RYR1: variants seen among roughly 807,000 people sequenced by gnomAD.
RYR1 encodes the protein ryanodine receptor 1.
RYR1 carries 342 observed loss-of-function variants against 583.5 expected under a neutral mutation model. The observed-to-expected ratio is 0.59, with a 90% CI of 0.54 to 0.64. The LOEUF is 0.64. Ranked by LOEUF, RYR1 falls within the 30% of genes least tolerant of loss-of-function variation. RYR1 has a pLI of 0.00. For missense variants in RYR1, 6,032 were observed against 6,917.2 expected (o/e 0.87, Z 4.54); for synonymous variants, 2,791 against 2,822.5 (o/e 0.99, Z 0.35).
At chr19:38,504,638 G>A in intron 50 of RYR1, 110 bp from the exon 51 acceptor site, 1 of 1,443,404 alleles carries the variant, frequency 6.9e-7, no homozygotes, top group Non-Finnish European at 9.6e-7. Flanking sequence ...CATAATTCAG[G>A]TTTGGGGTTC....
In RYR1 at chr19:38,528,681, A is replaced by G. The variant is rs1184741729; in HGVS notation, c.11020A>G (p.Ile3674Val). ...AGACCACAGTTTTGAGGACCGCATGATAGATGACCTTTCAGTGAGCTGGGA... is the reference window on the plus strand; with the variant it reads ...AGACCACAGTTTTGAGGACCGCATGGTAGATGACCTTTCAGTGAGCTGGGA... Reference protein sequence around the residue: ...TEDHSFEDRMIDDLSKAGEQE... With the variant: ...TEDHSFEDRMVDDLSKAGEQE... Residue 3674 changes from isoleucine (I) to valine (V), a missense_variant, in exon 75 of 106, where the codon ATA becomes GTA. Coordinates refer to ENST00000359596, the MANE Select transcript of RYR1 (RefSeq NM_000540.3). The G allele has an allele frequency of 4.3e-6, 7 of 1,614,114 alleles. No individual in the cohort carries two copies. The highest frequency in any genetic ancestry group is 4.2e-6 in the Non-Finnish European group (5 of 1,180,004).
rs199691436 is a variant in RYR1 at position 38,467,817 on chromosome 19, G to A, written c.3381+5G>A. 6 of 1,613,532 alleles carry A rather than the reference G, an allele frequency of 3.7e-6. No individual in the cohort carries two copies. Among genetic ancestry groups the A allele is most frequent in the South Asian group, 1.1e-5 (1 of 91,056 alleles). On this transcript the variant is annotated splice_donor_5th_base_variant and intron_variant, in intron 25 of 105. Transcript: ENST00000359596. ...TATGTCTTCAATGGGCACCGCGTGGGTACCTCCCTGGGCACCATTCTGCCA... is the reference window on the plus strand; with the variant it reads ...TATGTCTTCAATGGGCACCGCGTGGATACCTCCCTGGGCACCATTCTGCCA...
chr19:38,486,009 C>T lies in RYR1; in HGVS notation c.5354C>T (p.Ala1785Val). The part of the protein sequence containing the change: ...HHFSPPCFVA[A>V]LPAAGAAEAP... Reference sequence around the variant, plus strand: ...TTCTCGCCCCCCTGTTTCGTGGCCGCTCTGCCAGCTGCTGGGGCAGCAGAG... The same window carrying T: ...TTCTCGCCCCCCTGTTTCGTGGCCGTTCTGCCAGCTGCTGGGGCAGCAGAG... The change falls in exon 34 of 106, where the codon GCT becomes GTT. Residue 1785 changes from alanine (A) to valine (V), a missense_variant. Transcript: ENST00000359596. 2 of 1,613,532 alleles carry T rather than the reference C, an allele frequency of 1.2e-6. No individual in the cohort carries two copies. The highest frequency in any genetic ancestry group is 8.5e-7 in the Non-Finnish European group (1 of 1,179,914).
intron 90 of RYR1, among the ~76,000 whole-genome samples, chr19:38,562,790 G>A (rs1448394988): frequency 6.6e-6 from 1 of 152,194 alleles, no homozygotes; most frequent in East Asian, 1.9e-4. Context: ...TGCACACTGA[G>A]CCTCTCGTGG....
At chr19:38,569,980 A>G (rs912325372) in intron 93 of RYR1, among the ~76,000 whole-genome samples, 1 of 152,180 alleles carries the variant, frequency 6.6e-6, no homozygotes, top group Admixed American at 6.6e-5. Flanking sequence ...CCTGACCAAC[A>G]TGGTGAGACC....
At chr19:38,495,157 T>A (rs890651568) in intron 39 of RYR1, among the ~76,000 whole-genome samples, 1 of 151,982 alleles carries the variant, frequency 6.6e-6, no homozygotes, top group African/African-American at 2.4e-5. Context: ...CAGCTGAGGT[T>A]TACCCTTTTT....
chr19:38,442,599 A>G lies in RYR1; in HGVS notation c.270+146A>G. 6.1e-6 allele frequency: 4 copies of G among 652,292 alleles called. No homozygotes were observed. In the South Asian group the frequency reaches 6.8e-5, roughly 11 times the overall value. 40.4% of individuals were successfully genotyped at this position (652,292 alleles called of 1,614,324 possible). Reference sequence around the variant, plus strand: ...TCTTCCTCTCTCTGCCCTGCCCCCCACAGGCCCTCAATTTGGATAAGTGGG... The same window carrying G: ...TCTTCCTCTCTCTGCCCTGCCCCCCGCAGGCCCTCAATTTGGATAAGTGGG... On this transcript the variant is annotated intron_variant, in intron 3 of 105. Transcript: ENST00000359596.
At chr19:38,513,135 C>T (rs1044501558) in intron 63 of RYR1, among the ~76,000 whole-genome samples, 3 of 151,894 alleles carry the variant, frequency 2.0e-5, no homozygotes, top group African/African-American at 7.3e-5. Flanking sequence ...CTCAGGAGTT[C>T]AAGACCAGCC....
chr19:38,551,279 T>G (rs1005970365), intron 89 of RYR1, among the ~76,000 whole-genome samples: 13 of 151,692 alleles, frequency 8.6e-5, no homozygotes, highest in African/African-American at 3.1e-4. Context: ...ACTCCCGACC[T>G]CAAGTGATGG....
At chr19:38,564,737 A>C (rs1017080824) in intron 90 of RYR1, among the ~76,000 whole-genome samples, 2 of 152,088 alleles carry the variant, frequency 1.3e-5, no homozygotes, top group Admixed American at 1.3e-4. Flanking sequence ...GCTGGTCTCG[A>C]ACTCCTGACC....
At chr19:38,545,918 G>A (rs1405682905) in intron 87 of RYR1, among the ~76,000 whole-genome samples, 1 of 152,124 alleles carries the variant, frequency 6.6e-6, no homozygotes, top group Non-Finnish European at 1.5e-5. Flanking sequence ...ACTTTGTATT[G>A]GAGGTTTCTA....
At chr19:38,487,514 C>T (rs559822606) in intron 34 of RYR1, among the ~76,000 whole-genome samples, 25 of 152,114 alleles carry the variant, frequency 1.6e-4, no homozygotes, top group Admixed American at 1.4e-3. Context: ...CCACCATGCC[C>T]GGCTAATTTT....
At chr19:38,514,765 G>A (rs1249196604) in intron 63 of RYR1, among the ~76,000 whole-genome samples, 1 of 152,056 alleles carries the variant, frequency 6.6e-6, no homozygotes, top group African/African-American at 2.4e-5. Context: ...CGTTCTAGTG[G>A]CTTTCCAAGT....
intron 70 of RYR1, among the ~76,000 whole-genome samples, chr19:38,524,186 CAA>C (rs56388141): frequency 7.1e-5 from 6 of 84,116 alleles, no homozygotes; most frequent in Non-Finnish European, 1.5e-4. Context: ...CTTTTGTTCC[CAA>C]AAAAAAAAAA....
chr19:38,511,423 A>G, intron 60 of RYR1, 138 bp from the exon 61 acceptor site: 4 of 867,070 alleles, frequency 4.6e-6, no homozygotes, highest in South Asian at 1.3e-5. Context: ...TCCTGTCTCC[A>G]TCATTTGGAC....
intron 93 of RYR1, among the ~76,000 whole-genome samples, chr19:38,569,080 G>T (rs1194530733): frequency 2.0e-5 from 3 of 151,676 alleles, no homozygotes; most frequent in Admixed American, 2.0e-4. Flanking sequence ...GCACAATCTC[G>T]GCTCACTGCA....
At chr19:38,524,459 C>T (rs1460841484) in intron 70 of RYR1, among the ~76,000 whole-genome samples, 1 of 152,190 alleles carries the variant, frequency 6.6e-6, no homozygotes, top group African/African-American at 2.4e-5. Context: ...CAGGGCTCTG[C>T]GAGGACTCAG....
chr19:38,452,219 T>A (rs374547508), intron 12 of RYR1, among the ~76,000 whole-genome samples: 81 of 151,380 alleles, frequency 5.4e-4, no homozygotes, highest in African/African-American at 1.4e-3. Flanking sequence ...GGCAGATCGC[T>A]TGAGCCCAGG....
At chr19:38,586,273 T>G in intron 104 of RYR1, 82 bp downstream of exon 104, 1 of 1,332,800 alleles carries the variant, frequency 7.5e-7, no homozygotes, top group Non-Finnish European at 1.1e-6. Context: ...CTTTGGCCAG[T>G]TAGGAAAGGG....
Sources: gnomAD v4.1 joint callset for allele counts (sites outside exome capture counted in the v4.1 genomes callset) on GRCh38, gnomAD v4.1.1 for gene constraint, MANE v1.5 for transcripts, NCBI Gene and HGNC (gene_info 2026-07-23, HGNC 2026-07-21) for gene names.